JPH1: variants seen among roughly 807,000 people sequenced by gnomAD.
JPH1 encodes the protein junctophilin 1.
In JPH1, 12 loss-of-function variants were observed where a neutral mutation model predicts 53.6. The ratio of observed to expected loss-of-function variants is 0.22; its 90% CI spans 0.14 to 0.36. The LOEUF is 0.36. Ranked by LOEUF, JPH1 falls within the 10% of genes least tolerant of loss-of-function variation. The pLI is 1.00. For missense variants in JPH1, 808 were observed against 905.5 expected, an observed-to-expected ratio of 0.89 and a Z score of 1.38; for synonymous variants, 375 against 363.8, an observed-to-expected ratio of 1.03 and a Z score of -0.35.
intron 2 of JPH1, among the ~76,000 whole-genome samples, chr8:74,263,353 T>G (rs1296570068): frequency 6.6e-6 from 1 of 152,246 alleles, no homozygotes; most frequent in African/African-American, 2.4e-5. Flanking sequence ...TTTACTGATC[T>G]GACTCTTAAA....
chr8:74,260,089 T>C (rs1018642177), intron 2 of JPH1, among the ~76,000 whole-genome samples: 9 of 152,216 alleles, frequency 5.9e-5, no homozygotes, highest in Non-Finnish European at 8.8e-5. Flanking sequence ...ATGTGCACTA[T>C]TGGTGCTCAC....
intron 4 of JPH1, among the ~76,000 whole-genome samples, chr8:74,241,770 T>C (rs1805696413): frequency 6.6e-6 from 1 of 152,122 alleles, no homozygotes; most frequent in Non-Finnish European, 1.5e-5. Context: ...ACGCTTTAAA[T>C]TTTACACAAA....
chr8:74,311,893 G>C (rs1429387005), intron 2 of JPH1, among the ~76,000 whole-genome samples: 1 of 151,906 alleles, frequency 6.6e-6, no homozygotes, highest in African/African-American at 2.4e-5. Flanking sequence ...GTGTATATGT[G>C]CCACATTTTC....
intron 2 of JPH1, among the ~76,000 whole-genome samples, chr8:74,295,735 C>T (rs994664147): frequency 1.3e-5 from 2 of 152,104 alleles, no homozygotes; most frequent in African/African-American, 4.8e-5. Context: ...TGAGGAAAAG[C>T]AGGATATTCT....
intron 2 of JPH1, among the ~76,000 whole-genome samples, chr8:74,291,882 T>C (rs1436383485): frequency 6.6e-6 from 1 of 152,148 alleles, no homozygotes; most frequent in Non-Finnish European, 1.5e-5. Context: ...TGTAGGGACA[T>C]GGATGAAGCT....
intron 4 of JPH1, among the ~76,000 whole-genome samples, chr8:74,238,261 A>G (rs1376578918): frequency 3.3e-5 from 5 of 152,320 alleles, no homozygotes; most frequent in African/African-American, 1.2e-4. Context: ...ACAATGTTAC[A>G]GAGGCCTCAA....
In JPH1 at chr8:74,315,861, T is replaced by A. The variant is rs779799905; in HGVS notation, c.380-241A>T. Among the ~76,000 whole-genome samples the A allele has an allele frequency of 1.3e-5, 2 of 152,222 alleles. No individual in the cohort carries two copies. The highest frequency in any genetic ancestry group is 2.9e-5 in the Non-Finnish European group (2 of 68,040). On this transcript the variant is annotated intron_variant, in intron 1 of 5. Coordinates refer to ENST00000342232, the MANE Select transcript of JPH1 (RefSeq NM_020647.4). This position sits in a 1 kb window ranked among gnomAD's most constrained non-coding sequence, Gnocchi z 6.3. ...ATAATTTTTGCTTTTCATTAAAATT[T>A]TATGCAAGTATTTCAGAGGAAAACC...
At chr8:74,291,447 G>A (rs994657952) in intron 2 of JPH1, among the ~76,000 whole-genome samples, 1 of 152,204 alleles carries the variant, frequency 6.6e-6, no homozygotes, top group Non-Finnish European at 1.5e-5. Flanking sequence ...ACACCAGTTA[G>A]AATGGCGATC....
rs535334403 is a variant in JPH1 at position 74,319,838 on chromosome 8, T to C, written c.379+1071A>G. 2.6e-5 allele frequency among the ~76,000 whole-genome samples: 4 copies of C among 152,364 alleles called. No homozygotes were observed. In the South Asian group the frequency reaches 6.2e-4, roughly 24 times the overall value. ...ATGTTTATCAGGAAATGCACTTTGCTAAAGCATAAGCTATTCATGAATATC... is the reference window on the plus strand; with the variant it reads ...ATGTTTATCAGGAAATGCACTTTGCCAAAGCATAAGCTATTCATGAATATC... On this transcript the variant is annotated intron_variant, in intron 1 of 5. Coordinates refer to ENST00000342232, the MANE Select transcript of JPH1 (RefSeq NM_020647.4).
At chr8:74,263,083 A>G (rs902014106) in intron 2 of JPH1, among the ~76,000 whole-genome samples, 3 of 152,216 alleles carry the variant, frequency 2.0e-5, no homozygotes, top group African/African-American at 7.2e-5. Flanking sequence ...ACTCAATCAT[A>G]CATGGAACAT....
intron 2 of JPH1, among the ~76,000 whole-genome samples, chr8:74,308,366 C>T (rs577681443): frequency 1.3e-5 from 2 of 152,266 alleles, no homozygotes; most frequent in South Asian, 2.1e-4. Context: ...AAAAGTTACC[C>T]GTAGCACACA....
intron 2 of JPH1, among the ~76,000 whole-genome samples, chr8:74,274,138 CTG>C (rs1411890259): frequency 2.6e-5 from 4 of 152,316 alleles, no homozygotes; most frequent in African/African-American, 9.6e-5. Flanking sequence ...CTGAATCAAG[CTG>C]TGAGATTCTG....
At chr8:74,291,525 G>T (rs1436950187) in intron 2 of JPH1, among the ~76,000 whole-genome samples, 1 of 152,210 alleles carries the variant, frequency 6.6e-6, no homozygotes, top group Non-Finnish European at 1.5e-5. Flanking sequence ...TTACACTGTT[G>T]GTGGGACTGT....
chr8:74,303,320 A>G (rs1807737985), intron 2 of JPH1, among the ~76,000 whole-genome samples: 1 of 152,104 alleles, frequency 6.6e-6, no homozygotes, highest in African/African-American at 2.4e-5. Context: ...CAAAAATCCA[A>G]ACTTATCTTC....
rs761818486 is a variant in JPH1, at chr8:74,315,406, G to A, written c.594C>T (p.His198=). The part of the protein sequence containing the change: ...GTRGGFVLNF[H]ADAELAGKKK... ...TCTTGCCCGCTAGCTCAGCGTCTGCGTGGAAGTTGAGCACGAAACCGCCGC... is the reference window on the plus strand; with the variant it reads ...TCTTGCCCGCTAGCTCAGCGTCTGCATGGAAGTTGAGCACGAAACCGCCGC... The change falls in exon 2 of 6, where the codon CAC becomes CAT. Residue 198 remains histidine (H), a synonymous_variant. Coordinates refer to ENST00000342232, the MANE Select transcript of JPH1 (RefSeq NM_020647.4). This position sits in a 1 kb window ranked among gnomAD's most constrained non-coding sequence, Gnocchi z 6.3. 26 of 1,612,436 alleles carry A rather than the reference G, an allele frequency of 1.6e-5. 1 individual carries two copies. In the South Asian group the frequency reaches 2.5e-4, roughly 16 times the overall value.
At chr8:74,276,847 T>A (rs1249890798) in intron 2 of JPH1, among the ~76,000 whole-genome samples, 3 of 152,246 alleles carry the variant, frequency 2.0e-5, no homozygotes, top group African/African-American at 7.2e-5. Context: ...AATGACTTTT[T>A]AAAATTTTTC....
intron 2 of JPH1, among the ~76,000 whole-genome samples, chr8:74,273,524 T>C (rs1307313669): frequency 6.6e-6 from 1 of 152,216 alleles, no homozygotes; most frequent in Non-Finnish European, 1.5e-5. Flanking sequence ...ACAACTCTTA[T>C]ACTAGCACTG....
At chr8:74,272,037 C>T (rs944314870) in intron 2 of JPH1, among the ~76,000 whole-genome samples, 2 of 152,228 alleles carry the variant, frequency 1.3e-5, no homozygotes, top group Non-Finnish European at 2.9e-5. Flanking sequence ...TGCAGCTATG[C>T]CATCAGGAGC....
intron 3 of JPH1, among the ~76,000 whole-genome samples, chr8:74,253,720 G>GATCCCACAGAAATACAAACTACC (rs1274105576): frequency 3.9e-5 from 6 of 152,054 alleles, no homozygotes; most frequent in Non-Finnish European, 7.3e-5. Context: ...TATTACCACT[G>GATCCCACAGAAATACAAACTACC]ATCCCACAGA....
Sources: gnomAD v4.1 joint callset for allele counts (sites outside exome capture counted in the v4.1 genomes callset) on GRCh38, gnomAD v4.1.1 for gene constraint, Gnocchi (gnomAD v3.1) non-coding constraint, MANE v1.5 for transcripts, NCBI Gene and HGNC (gene_info 2026-07-23, HGNC 2026-07-21) for gene names.